SLC9A9: variants seen among roughly 807,000 people sequenced by gnomAD.
The protein encoded by SLC9A9 is solute carrier family 9 member A9, also known as sodium/hydrogen exchanger 9.
SLC9A9 carries 62 observed loss-of-function variants against 77.8 expected under a neutral mutation model. That is an observed-to-expected ratio of 0.80 (90% CI 0.65 to 0.98). The LOEUF is 0.98. Ranked by LOEUF, SLC9A9 falls within the 50% of genes least tolerant of loss-of-function variation. SLC9A9 has a pLI of 0.00. For missense variants in SLC9A9, 775 were observed against 774.9 expected (o/e 1.00, Z 0.00); for synonymous variants, 320 against 283.5 (o/e 1.13, Z -1.29).
intron 8 of SLC9A9, among the ~76,000 whole-genome samples, chr3:143,560,911 T>C (rs1484955498): frequency 2.0e-5 from 3 of 152,228 alleles, no homozygotes; most frequent in Non-Finnish European, 4.4e-5. Context: ...CCAAACGCGG[T>C]GGCTCACGCC....
intron 8 of SLC9A9, among the ~76,000 whole-genome samples, chr3:143,570,448 A>C (rs1352808375): frequency 6.6e-6 from 1 of 152,198 alleles, no homozygotes; most frequent in Non-Finnish European, 1.5e-5. Context: ...AAATTTGTCC[A>C]AAAATTTAAA....
intron 12 of SLC9A9, among the ~76,000 whole-genome samples, chr3:143,452,503 TA>T (rs58038873): frequency 0.61 from 66,122 of 108,820 alleles, 18,060 homozygotes; most frequent in East Asian, 0.93. Context: ...TTAAAAAGAC[TA>T]AAAAAAAAAA....
chr3:143,599,062 C>T (rs1340623818), intron 6 of SLC9A9, among the ~76,000 whole-genome samples: 1 of 152,190 alleles, frequency 6.6e-6, no homozygotes, highest in East Asian at 1.9e-4. Flanking sequence ...CCTCACTGAC[C>T]TGGAGAGCTA....
At chr3:143,593,049 G>T (rs1023961388) in intron 6 of SLC9A9, among the ~76,000 whole-genome samples, 3 of 152,026 alleles carry the variant, frequency 2.0e-5, no homozygotes, top group African/African-American at 7.2e-5. Context: ...GTCTAAGATG[G>T]GTTAAAAGGA....
chr3:143,280,988 C>A (rs537771327), intron 14 of SLC9A9, among the ~76,000 whole-genome samples: 2 of 152,310 alleles, frequency 1.3e-5, no homozygotes, highest in East Asian at 3.9e-4. Flanking sequence ...TCTGTTTATA[C>A]TGGACATTGC....
chr3:143,699,712 T>G (rs1323521296), intron 4 of SLC9A9, among the ~76,000 whole-genome samples: 1 of 152,128 alleles, frequency 6.6e-6, no homozygotes, highest in Non-Finnish European at 1.5e-5. Flanking sequence ...GTAGGCTAAA[T>G]TCCTCTGGGG....
At chr3:143,748,378 C>A (rs1320430164) in intron 4 of SLC9A9, among the ~76,000 whole-genome samples, 1 of 152,196 alleles carries the variant, frequency 6.6e-6, no homozygotes, top group East Asian at 1.9e-4. Context: ...CCTGCCACAA[C>A]TGTCCTCATT....
intron 6 of SLC9A9, among the ~76,000 whole-genome samples, chr3:143,591,836 C>T (rs1037340681): frequency 6.6e-6 from 1 of 152,118 alleles, no homozygotes; most frequent in Non-Finnish European, 1.5e-5. Context: ...AGGTCAGAGG[C>T]TTGGGGAACA....
intron 12 of SLC9A9, among the ~76,000 whole-genome samples, chr3:143,400,327 A>T (rs2108511481): frequency 6.6e-6 from 1 of 152,338 alleles, no homozygotes; most frequent in South Asian, 2.1e-4. Context: ...ACAAATTAAA[A>T]GATAATTCAT....
chr3:143,624,749 T>C (rs2038288127), intron 6 of SLC9A9, among the ~76,000 whole-genome samples: 1 of 152,152 alleles, frequency 6.6e-6, no homozygotes, highest in Non-Finnish European at 1.5e-5. Flanking sequence ...CAACAGAGTG[T>C]TGGAAGTTCT....
chr3:143,713,533 G>A (rs1934253134), intron 4 of SLC9A9, among the ~76,000 whole-genome samples: 1 of 152,174 alleles, frequency 6.6e-6, no homozygotes, highest in African/African-American at 2.4e-5. Flanking sequence ...AAGAGTCAGA[G>A]CAGCTTATTG....
chr3:143,537,510 G>A (rs1332323229), intron 9 of SLC9A9, among the ~76,000 whole-genome samples: 7 of 152,218 alleles, frequency 4.6e-5, no homozygotes, highest in Admixed American at 1.3e-4. Context: ...ACTCCTTAGA[G>A]TATCTGCTAT....
At chr3:143,426,078 A>G (rs2034400030) in intron 12 of SLC9A9, among the ~76,000 whole-genome samples, 1 of 152,176 alleles carries the variant, frequency 6.6e-6, no homozygotes, top group Non-Finnish European at 1.5e-5. Context: ...AAAGAAGAAC[A>G]GGCAGAAACT....
At chr3:143,810,273 T>C (rs1219850276) in intron 2 of SLC9A9, among the ~76,000 whole-genome samples, 1 of 152,230 alleles carries the variant, frequency 6.6e-6, no homozygotes, top group Non-Finnish European at 1.5e-5. Flanking sequence ...AGGTTACAGA[T>C]ATAAAATTCT....
chr3:143,346,686 G>A (rs952820510), intron 14 of SLC9A9, among the ~76,000 whole-genome samples: 5 of 152,154 alleles, frequency 3.3e-5, no homozygotes, highest in South Asian at 2.1e-4. Context: ...CCAGCTACTC[G>A]GGAGGGTGAG....
intron 4 of SLC9A9, among the ~76,000 whole-genome samples, chr3:143,722,360 T>C (rs1300702716): frequency 2.0e-5 from 3 of 148,834 alleles, no homozygotes; most frequent in Admixed American, 1.4e-4. Flanking sequence ...GTAGTCCCAG[T>C]TACCCGAGAG....
At chr3:143,359,658 T>C (rs545331980) in intron 14 of SLC9A9, among the ~76,000 whole-genome samples, 6 of 152,250 alleles carry the variant, frequency 3.9e-5, no homozygotes, top group Admixed American at 1.3e-4. Context: ...AGCCTTCTTA[T>C]GGCTGAAGAG....
chr3:143,324,040 T>C (rs2031501323), intron 14 of SLC9A9, among the ~76,000 whole-genome samples: 1 of 152,144 alleles, frequency 6.6e-6, no homozygotes, highest in Non-Finnish European at 1.5e-5. Context: ...CTCTTGGTGG[T>C]AGAGGTAACA....
intron 14 of SLC9A9, among the ~76,000 whole-genome samples, chr3:143,359,120 T>C (rs2032670886): frequency 6.6e-6 from 1 of 152,222 alleles, no homozygotes; most frequent in South Asian, 2.1e-4. Context: ...AGCCTTCTGA[T>C]AATTAATTGG....
Sources: allele counts gnomAD v4.1 joint callset (sites outside exome capture counted in the v4.1 genomes callset), GRCh38; gene constraint gnomAD v4.1.1; transcripts MANE v1.5; gene names NCBI Gene and HGNC (gene_info 2026-07-23, HGNC 2026-07-21).